FSD2: variants seen among roughly 807,000 people sequenced by gnomAD.
The protein encoded by FSD2 is fibronectin type III and SPRY domain-containing protein 2.
Under a neutral mutation model 80.4 loss-of-function variants are expected in FSD2, and 71 were observed. The observed-to-expected ratio is 0.88, with a 90% CI of 0.73 to 1.08. The LOEUF (loss-of-function observed/expected upper bound fraction) is 1.08. Among genes scored for constraint, FSD2 ranks in the 50% least tolerant of loss-of-function variants. FSD2 has a pLI of 0.00. For missense variants in FSD2, 923 were observed against 913.8 expected (o/e 1.01, Z -0.13); for synonymous variants, 361 against 329.5 (o/e 1.10, Z -1.03).
At chr15:82,783,144 G>A (rs956723375) in intron 3 of FSD2, 119 bp from the exon 4 acceptor site, 1 of 722,908 alleles carries the variant, frequency 1.4e-6, no homozygotes, top group Admixed American at 2.7e-5. Context: ...TGTTGCCCAG[G>A]CTGGAGTACA....
intron 6 of FSD2, among the ~76,000 whole-genome samples, chr15:82,778,157 T>TATATATATATAA (rs558795727): frequency 4.6e-5 from 6 of 129,890 alleles, no homozygotes; most frequent in African/African-American, 1.6e-4. Flanking sequence ...TATATATATA[T>TATATATATATAA]AATAACTATT....
At chr15:82,770,592 A>C (rs1341603748) in intron 7 of FSD2, among the ~76,000 whole-genome samples, 3 of 152,090 alleles carry the variant, frequency 2.0e-5, no homozygotes, top group African/African-American at 4.8e-5. Context: ...AATCACTTGA[A>C]CCCGGGAAGT....
chr15:82,803,085 C>G (rs887021664), intron 1 of FSD2, among the ~76,000 whole-genome samples: 1 of 152,026 alleles, frequency 6.6e-6, no homozygotes. Flanking sequence ...GATTATTACC[C>G]CATCTGGGGC....
chr15:82,759,453 A>G lies in FSD2; in HGVS notation c.2145T>C (p.Ser715=), dbSNP rs1407714050. ...GATGCACAAATTCGTGAAGCTGACAACTAAATGTATATAGATGCTGAGAAA... is the reference window on the plus strand; with the variant it reads ...GATGCACAAATTCGTGAAGCTGACAGCTAAATGTATATAGATGCTGAGAAA... ...VDLSQHLYTF[S]CQLHEFVHPC... is the part of the protein sequence containing the mutation. The change falls in exon 13 of 13, where the codon AGT becomes AGC. Residue 715 remains serine (S), a synonymous_variant. Transcript: ENST00000334574. The G allele has an allele frequency of 1.2e-6, 2 of 1,613,608 alleles. No homozygotes were observed. Among genetic ancestry groups the G allele is most frequent in the African/African-American group, 2.7e-5 (2 of 74,950 alleles).
chr15:82,769,780 G>A lies in FSD2; in HGVS notation c.1372C>T (p.Pro458Ser), dbSNP rs771199224. 18 of 1,613,822 alleles carry A rather than the reference G, an allele frequency of 1.1e-5. No homozygotes were observed. The highest frequency in any genetic ancestry group is 1.5e-5 in the Non-Finnish European group (18 of 1,179,876). ...VTAHNRAGPS[P>S]SSERAVYMTA... The stretch of plus-strand genomic sequence containing the variant: ...ATGTACACTGCACGCTCGCTAGAGG[G>A]GCTGGGGCCAGCCCTGTTGTGAGCT... The change falls in exon 8 of 13, where the codon CCC (proline) becomes TCC (serine). Residue 458 changes from proline (P) to serine (S), a missense_variant. Coordinates refer to ENST00000334574, the MANE Select transcript of FSD2 (RefSeq NM_001007122.4).
At position 82,765,335 on chromosome 15, in the gene FSD2, A is replaced by G. The variant is rs371364623; in HGVS notation, c.1688-37T>C. The stretch of plus-strand genomic sequence containing the variant: ...GGAACACACAGAAGACCCGCAGCCA[A>G]TCACTTGCTTTCTCCATGTGGGCGG... On this transcript the variant is annotated intron_variant, in intron 10 of 12. Transcript: ENST00000334574. 5 of 1,611,952 alleles carry G rather than the reference A, an allele frequency of 3.1e-6. No individual in the cohort carries two copies. In the African/African-American group the frequency reaches 5.3e-5, roughly 17 times the overall value.
intron 1 of FSD2, among the ~76,000 whole-genome samples, chr15:82,788,525 A>C (rs1023970052): frequency 6.6e-6 from 1 of 151,406 alleles, no homozygotes; most frequent in Non-Finnish European, 1.5e-5. Context: ...AAAAAAAAAA[A>C]AAGTGACAGA....
intron 1 of FSD2, among the ~76,000 whole-genome samples, chr15:82,794,666 C>T (rs972907009): frequency 4.7e-5 from 7 of 148,972 alleles, no homozygotes; most frequent in Non-Finnish European, 1.0e-4. Context: ...TTTTGGTATT[C>T]TGTAGTTAGG....
At chr15:82,794,948 T>C (rs955576097) in intron 1 of FSD2, among the ~76,000 whole-genome samples, 2 of 152,122 alleles carry the variant, frequency 1.3e-5, no homozygotes, top group African/African-American at 2.4e-5. Context: ...ATGGTCTCGA[T>C]CTCCTGACCT....
Position 82,782,812 on chromosome 15 carries a change from T to G in FSD2, c.949A>C (p.Lys317Gln), listed in dbSNP as rs538733679. The G allele has an allele frequency of 1.9e-6, 3 of 1,608,764 alleles. No individual in the cohort carries two copies. The highest frequency in any genetic ancestry group is 2.5e-6 in the Non-Finnish European group (3 of 1,178,334). Residue 317 changes from lysine (K) to glutamine (Q), a missense_variant, in exon 4 of 13, where the codon AAG becomes CAG. Coordinates refer to ENST00000334574, the MANE Select transcript of FSD2 (RefSeq NM_001007122.4). ...ETIEEMCHEEKVDFIKDAVAM... is the reference protein window; with the variant it reads ...ETIEEMCHEEQVDFIKDAVAM... ...TTACTGACCTTTATGAAATCCACCT[T>G]CTCCTCGTGACACATCTCCTCTATT...
intron 1 of FSD2, among the ~76,000 whole-genome samples, chr15:82,799,191 T>C (rs2050351430): frequency 6.6e-6 from 1 of 152,110 alleles, no homozygotes; most frequent in South Asian, 2.1e-4. Context: ...CCACTTTTGA[T>C]TGCCCTTTTA....
chr15:82,773,044 G>A (rs759816501), intron 6 of FSD2, among the ~76,000 whole-genome samples: 16 of 152,094 alleles, frequency 1.1e-4, no homozygotes, highest in African/African-American at 2.2e-4. Flanking sequence ...ACAGGGCTTC[G>A]CCATTTTGGC....
At chr15:82,800,648 T>A (rs1045180051) in intron 1 of FSD2, among the ~76,000 whole-genome samples, 1 of 123,288 alleles carries the variant, frequency 8.1e-6, no homozygotes, top group African/African-American at 3.2e-5. Context: ...GCCAAGATCA[T>A]GCCACTGCAC....
intron 6 of FSD2, among the ~76,000 whole-genome samples, chr15:82,772,847 C>CT (rs933882527): frequency 2.0e-5 from 3 of 151,976 alleles, no homozygotes; most frequent in East Asian, 1.9e-4. Flanking sequence ...CTCCATAATT[C>CT]TTTTTTTTCT....
chr15:82,768,196 C>T (rs958214460), intron 9 of FSD2, among the ~76,000 whole-genome samples: 3 of 152,170 alleles, frequency 2.0e-5, no homozygotes, highest in East Asian at 1.9e-4. Context: ...CTTTTGTTTT[C>T]GCCTATGGCT....
At chr15:82,770,200 C>T (rs773696995) in intron 7 of FSD2, among the ~76,000 whole-genome samples, 9 of 152,372 alleles carry the variant, frequency 5.9e-5, no homozygotes, top group Admixed American at 2.0e-4. Flanking sequence ...TCCACTACCA[C>T]GTGAGCAAGC....
intron 1 of FSD2, among the ~76,000 whole-genome samples, chr15:82,803,493 G>T (rs117322145): frequency 2.0e-5 from 3 of 151,882 alleles, no homozygotes; most frequent in Admixed American, 1.3e-4. Flanking sequence ...TTCTGGCCGC[G>T]CTCAGGGTCT....
intron 9 of FSD2, among the ~76,000 whole-genome samples, chr15:82,767,617 G>C (rs2151492451): frequency 6.6e-6 from 1 of 152,304 alleles, no homozygotes; most frequent in East Asian, 1.9e-4. Context: ...TTGTGAGTTG[G>C]TCCCAGGTGT....
At chr15:82,774,898 T>G (rs1188562447) in intron 6 of FSD2, among the ~76,000 whole-genome samples, 1 of 151,524 alleles carries the variant, frequency 6.6e-6, no homozygotes, top group Admixed American at 6.6e-5. Context: ...ATTTTTGTAT[T>G]TTTAGTAGAG....
Sources: gnomAD v4.1 joint callset for allele counts (sites outside exome capture counted in the v4.1 genomes callset) on GRCh38, gnomAD v4.1.1 for gene constraint, MANE v1.5 for transcripts, NCBI Gene and HGNC (gene_info 2026-07-23, HGNC 2026-07-21) for gene names.